SUPT3H: variants seen among roughly 807,000 people sequenced by gnomAD.
SUPT3H encodes SPT3 homolog, SAGA and STAGA complex component, also known as transcription initiation protein SPT3 homolog.
SUPT3H carries 44 observed loss-of-function variants against 44.3 expected under a neutral mutation model. The ratio of observed to expected loss-of-function variants is 0.99; its 90% CI spans 0.78 to 1.28. The LOEUF is 1.28. SUPT3H is among the 50% of genes most tolerant of loss of function. SUPT3H has a pLI of 0.00. For synonymous variants in SUPT3H, 124 were observed against 125.6 expected (o/e 0.99, Z 0.09); for missense variants, 380 against 387.1 (o/e 0.98, Z 0.15).
intron 9 of SUPT3H, among the ~76,000 whole-genome samples, chr6:44,941,351 G>A: frequency 6.6e-6 from 1 of 152,042 alleles, no homozygotes; most frequent in East Asian, 1.9e-4. Flanking sequence ...CTCAGTGTTT[G>A]CTTACCTGGG....
chr6:44,955,470 T>A (rs1774972688), intron 7 of SUPT3H: 1 of 152,306 alleles, frequency 6.6e-6, no homozygotes, highest in Non-Finnish European at 1.5e-5. Flanking sequence ...CCCACTTCCC[T>A]GGCGACCTGC....
Position 45,101,152 on chromosome 6 carries a change from G to A in SUPT3H, c.186+4770C>T, listed in dbSNP as rs574395733. On this transcript the variant is annotated intron_variant, in intron 3 of 10. Coordinates refer to ENST00000371459, the MANE Select transcript of SUPT3H (RefSeq NM_003599.4). ...TGAAAGGTAAAAAAGTTGGCCAGGC[G>A]CGGAGGCTCACGCCTGTAATCCCAG... is the stretch of plus-strand genomic sequence containing the variant. Among the ~76,000 whole-genome samples the A allele has an allele frequency of 9.2e-5, 14 of 152,346 alleles. 1 individual carries two copies. In the South Asian group the frequency reaches 2.9e-3, roughly 32 times the overall value.
At chr6:45,265,281 C>T (rs1220403883) in intron 2 of SUPT3H, among the ~76,000 whole-genome samples, 1 of 151,988 alleles carries the variant, frequency 6.6e-6, no homozygotes, top group Non-Finnish European at 1.5e-5. Flanking sequence ...ATGTCCTTTC[C>T]ACATACTTTC....
At chr6:45,166,583 C>CA (rs3054765) in intron 2 of SUPT3H, among the ~76,000 whole-genome samples, 97 of 96,528 alleles carry the variant, frequency 1.0e-3, no homozygotes, top group East Asian at 5.5e-3. Context: ...AGACTCCATC[C>CA]AAAAAAAAAA....
intron 2 of SUPT3H, among the ~76,000 whole-genome samples, chr6:45,323,831 G>C (rs1785924860): frequency 6.6e-6 from 1 of 152,012 alleles, no homozygotes; most frequent in African/African-American, 2.4e-5. Flanking sequence ...AGTTACAGCA[G>C]TGTTCCAACG....
At chr6:45,201,734 A>G (rs1176266591) in intron 2 of SUPT3H, among the ~76,000 whole-genome samples, 3 of 151,914 alleles carry the variant, frequency 2.0e-5, no homozygotes, top group African/African-American at 7.2e-5. Flanking sequence ...CATGGACGCC[A>G]CTGTAATTGA....
chr6:45,282,956 T>C (rs945542929), intron 2 of SUPT3H, among the ~76,000 whole-genome samples: 6 of 152,198 alleles, frequency 3.9e-5, no homozygotes, highest in Middle Eastern at 6.8e-3. Context: ...AAAGAATTTT[T>C]AACCCAGAAT....
At chr6:45,143,371 GAATA>G (rs1805547981) in intron 2 of SUPT3H, among the ~76,000 whole-genome samples, 1 of 151,988 alleles carries the variant, frequency 6.6e-6, no homozygotes. Context: ...GACTACAGTG[GAATA>G]AAACTAGAAA....
At chr6:45,204,085 A>G (rs1762826817) in intron 2 of SUPT3H, among the ~76,000 whole-genome samples, 1 of 152,004 alleles carries the variant, frequency 6.6e-6, no homozygotes, top group South Asian at 2.1e-4. Flanking sequence ...CATCTCTACT[A>G]AAAATACAAA....
intron 2 of SUPT3H, among the ~76,000 whole-genome samples, chr6:45,323,533 G>A (rs1785861012): frequency 6.6e-6 from 1 of 151,978 alleles, no homozygotes; most frequent in African/African-American, 2.4e-5. Flanking sequence ...AAAGAAATAT[G>A]CCTCAGTGGA....
At chr6:44,818,840 A>G (rs150458628) in intron 11 of SUPT3H, among the ~76,000 whole-genome samples, 84 of 152,340 alleles carry the variant, frequency 5.5e-4, no homozygotes, top group African/African-American at 1.9e-3. Context: ...TAGTGAAGAT[A>G]TGGAGAAACT....
At chr6:45,148,276 C>A (rs1012549234) in intron 2 of SUPT3H, among the ~76,000 whole-genome samples, 2 of 152,120 alleles carry the variant, frequency 1.3e-5, no homozygotes, top group Non-Finnish European at 2.9e-5. Context: ...CCTCCTCAAA[C>A]TCCTATGAGG....
At chr6:45,080,737 A>G (rs776472790) in intron 3 of SUPT3H, among the ~76,000 whole-genome samples, 4 of 152,136 alleles carry the variant, frequency 2.6e-5, no homozygotes, top group African/African-American at 4.8e-5. Flanking sequence ...AATTGAACTC[A>G]TGGACACAGA....
chr6:45,216,524 T>C (rs2153633142), intron 2 of SUPT3H, among the ~76,000 whole-genome samples: 1 of 152,282 alleles, frequency 6.6e-6, no homozygotes. Context: ...ATAAATTATT[T>C]TGAAAAAGAT....
At chr6:45,214,037 A>C (rs1191025461) in intron 2 of SUPT3H, among the ~76,000 whole-genome samples, 1 of 150,026 alleles carries the variant, frequency 6.7e-6, no homozygotes, top group Non-Finnish European at 1.5e-5. Context: ...AAAAAAAAAC[A>C]AGTCAATAGA....
At chr6:45,353,362 C>A (rs1475342332) in intron 2 of SUPT3H, among the ~76,000 whole-genome samples, 1 of 151,764 alleles carries the variant, frequency 6.6e-6, no homozygotes, top group Non-Finnish European at 1.5e-5. Context: ...AAAAGTTATG[C>A]GGATGGACTT....
intron 6 of SUPT3H, among the ~76,000 whole-genome samples, chr6:44,976,025 T>C (rs563453380): frequency 6.6e-6 from 1 of 152,178 alleles, no homozygotes; most frequent in Admixed American, 6.5e-5. Context: ...GGAACGTTCT[T>C]AATCATCTTA....
chr6:45,295,231 A>G (rs891010638), intron 2 of SUPT3H, among the ~76,000 whole-genome samples: 1 of 152,212 alleles, frequency 6.6e-6, no homozygotes, highest in South Asian at 2.1e-4. Flanking sequence ...ACAAACAAAC[A>G]AAACATAAAT....
intron 3 of SUPT3H, among the ~76,000 whole-genome samples, chr6:45,083,104 C>T (rs1236989413): frequency 6.6e-6 from 1 of 151,620 alleles, no homozygotes; most frequent in Non-Finnish European, 1.5e-5. Flanking sequence ...TAAAACCCTG[C>T]TGTAAGAAAT....
Sources: gnomAD v4.1 joint callset for allele counts (sites outside exome capture counted in the v4.1 genomes callset) on GRCh38, gnomAD v4.1.1 for gene constraint, MANE v1.5 for transcripts, NCBI Gene and HGNC (gene_info 2026-07-23, HGNC 2026-07-21) for gene names.